The following PTPRA variants were observed in gnomAD, a reference collection of about 807,000 sequenced individuals.
PTPRA encodes the protein receptor-type tyrosine-protein phosphatase alpha.
A neutral mutation model predicts 104.8 loss-of-function variants in PTPRA; 25 were observed. That is an observed-to-expected ratio of 0.24 (90% CI 0.17 to 0.33). PTPRA has a LOEUF of 0.33. Among genes scored for constraint, PTPRA ranks in the 10% least tolerant of loss-of-function variants. The probability of loss-of-function intolerance (pLI) is 1.00; values close to 1 mark genes in which losing one functional copy is unlikely to be tolerated. For missense variants in PTPRA, 765 were observed against 1,015.3 expected, an observed-to-expected ratio of 0.75 and a Z score of 3.35; for synonymous variants, 323 against 368.9, an observed-to-expected ratio of 0.88 and a Z score of 1.43.
rs2061329897 is a variant in PTPRA, at chr20:2,950,846, T to C, written c.-7+2822T>C. Among the ~76,000 whole-genome samples the C allele has an allele frequency of 6.6e-6, 1 of 152,148 alleles. No individual in the cohort carries two copies. The highest frequency in any genetic ancestry group is 2.4e-5 in the African/African-American group (1 of 41,452). Reference sequence around the variant, plus strand: ...ACCTGTACACATTTAAAGTGTAAAATTTATTACATTTTGATCCATGTATAT... The same window carrying C: ...ACCTGTACACATTTAAAGTGTAAAACTTATTACATTTTGATCCATGTATAT... On this transcript the variant is annotated intron_variant, in intron 3 of 23. Transcript: ENST00000399903. This position sits in a 1 kb window ranked among gnomAD's most constrained non-coding sequence, Gnocchi z 4.0.
In PTPRA at chr20:2,996,694, A is replaced by G. The variant is rs180844387; in HGVS notation, c.738+8220A>G. 9.3e-4 allele frequency among the ~76,000 whole-genome samples: 141 copies of G among 152,346 alleles called. 1 individual carries two copies. Among genetic ancestry groups the G allele is most frequent in the African/African-American group, 3.3e-3 (136 of 41,588 alleles). ...CTGGCAATTTACAGAAGAAATACAGATGGTCTATAAAGATATGAAAAGAAG... is the reference window on the plus strand; with the variant it reads ...CTGGCAATTTACAGAAGAAATACAGGTGGTCTATAAAGATATGAAAAGAAG... On this transcript the variant is annotated intron_variant, in intron 9 of 23. Coordinates refer to ENST00000399903, the MANE Select transcript of PTPRA (RefSeq NM_001385305.1).
At position 3,037,683 on chromosome 20, in the gene PTPRA, G is replaced by T. The variant is rs1417956968; in HGVS notation, c.2335-376G>T. ...AATCCCATGGAGCTAGAAATGTTTG[G>T]GGGGTAAAGAAAAGTGAATGTTAGG... On this transcript the variant is annotated intron_variant, in intron 23 of 23. Transcript: ENST00000399903. The surrounding 1 kb of genome is among the most constrained non-coding windows in gnomAD (Gnocchi z 4.3). 6.6e-6 allele frequency among the ~76,000 whole-genome samples: 1 copy of T among 152,232 alleles called. No homozygotes were observed. The highest frequency in any genetic ancestry group is 2.4e-5 in the African/African-American group (1 of 41,450).
the PTPRA span, chr20:2,866,104 C>A: frequency 1.1e-6 from 1 of 933,052 alleles, no homozygotes; most frequent in Admixed American, 2.0e-5. Context: ...CGGGTGTATA[C>A]ATATAGAATA....
intron 12 of PTPRA, 22 bp downstream of exon 12, chr20:3,015,907 T>A: frequency 6.5e-7 from 1 of 1,545,802 alleles, no homozygotes. Flanking sequence ...ACAACTTTTT[T>A]CTGTTAGATT....
intron 11 of PTPRA, among the ~76,000 whole-genome samples, chr20:3,008,581 A>G (rs1354760363): frequency 6.6e-6 from 1 of 152,022 alleles, no homozygotes. Flanking sequence ...ACTTAATGCT[A>G]CAGAACTGTA....
At chr20:2,908,755 AAAT>A (rs1388016620) in intron 1 of PTPRA, among the ~76,000 whole-genome samples, 1 of 152,200 alleles carries the variant, frequency 6.6e-6, no homozygotes, top group Non-Finnish European at 1.5e-5. Flanking sequence ...AAATTAAAAA[AAAT>A]GAAAAACATG....
intron 14 of PTPRA, 134 bp downstream of exon 14, chr20:3,021,562 G>GTT (rs2064871313): frequency 7.8e-6 from 10 of 1,282,032 alleles, no homozygotes; most frequent in South Asian, 1.5e-5. Context: ...CAGATATCCG[G>GTT]GCTCAGGGGA....
chr20:2,987,566 C>T (rs2062960090), intron 7 of PTPRA, among the ~76,000 whole-genome samples: 1 of 152,178 alleles, frequency 6.6e-6, no homozygotes, highest in East Asian at 1.9e-4. Context: ...CATGTGCCCC[C>T]TATAATTTGT....
intron 2 of PTPRA, among the ~76,000 whole-genome samples, chr20:2,939,006 A>T (rs557638036): frequency 2.6e-5 from 4 of 152,258 alleles, no homozygotes; most frequent in African/African-American, 9.6e-5. Context: ...GTTCCTGTTT[A>T]AATTTTTATA....
chr20:2,959,400 G>T (rs1023065126), intron 3 of PTPRA, among the ~76,000 whole-genome samples: 1 of 152,170 alleles, frequency 6.6e-6, no homozygotes, highest in Non-Finnish European at 1.5e-5. Flanking sequence ...AGTGGGGACA[G>T]TCAACACTTC....
At chr20:2,913,990 G>T (rs1345739267) in intron 1 of PTPRA, among the ~76,000 whole-genome samples, 1 of 152,016 alleles carries the variant, frequency 6.6e-6, no homozygotes, top group East Asian at 1.9e-4. Flanking sequence ...TTCATTGAAA[G>T]GAAAAACTGT....
chr20:3,003,506 G>C (rs1413644216), intron 9 of PTPRA, among the ~76,000 whole-genome samples: 1 of 151,972 alleles, frequency 6.6e-6, no homozygotes, highest in African/African-American at 2.4e-5. Flanking sequence ...CACTTACTCG[G>C]AATTAGTGTT....
At position 2,906,498 on chromosome 20, in the gene PTPRA, T is replaced by C. The variant is rs149798133; in HGVS notation, c.-128-16709T>C. Among the ~76,000 whole-genome samples, 8 of 152,268 alleles carry C rather than the reference T, an allele frequency of 5.3e-5. No homozygotes were observed. In the East Asian group the frequency reaches 1.3e-3, roughly 26 times the overall value. ...CAAGGGTAATACGTACGTTCTGATATAACAAGAGAGAAAACAAATTTTGAG... is the reference window on the plus strand; with the variant it reads ...CAAGGGTAATACGTACGTTCTGATACAACAAGAGAGAAAACAAATTTTGAG... On this transcript the variant is annotated intron_variant, in intron 1 of 23. Transcript: ENST00000399903.
chr20:2,945,575 A>T (rs866143523), intron 2 of PTPRA, among the ~76,000 whole-genome samples: 2 of 122,900 alleles, frequency 1.6e-5, no homozygotes, highest in Non-Finnish European at 3.2e-5. Flanking sequence ...CTTGATTATA[A>T]TTGGCAGGTG....
intron 2 of PTPRA, among the ~76,000 whole-genome samples, chr20:2,938,384 C>T (rs931765623): frequency 6.6e-6 from 1 of 152,096 alleles, no homozygotes; most frequent in Non-Finnish European, 1.5e-5. Flanking sequence ...TGGGGTTTCA[C>T]CATGTTGGCC....
chr20:2,915,475 T>A (rs868828005), intron 1 of PTPRA, among the ~76,000 whole-genome samples: 9 of 89,122 alleles, frequency 1.0e-4, no homozygotes, highest in Middle Eastern at 0.01. Flanking sequence ...TCTTTTTTTG[T>A]TACTGAATTG....
chr20:2,980,918 A>G (rs1009402805), intron 6 of PTPRA, among the ~76,000 whole-genome samples: 1 of 152,116 alleles, frequency 6.6e-6, no homozygotes, highest in Non-Finnish European at 1.5e-5. Context: ...GTCCTAAACC[A>G]GGAAGGGGTT....
chr20:2,926,599 G>A (rs2060303520), intron 2 of PTPRA, among the ~76,000 whole-genome samples: 1 of 151,928 alleles, frequency 6.6e-6, no homozygotes, highest in African/African-American at 2.4e-5. Flanking sequence ...ACATCTTTTA[G>A]GGGACACAAT....
At chr20:3,024,247 C>T (rs2065027506) in intron 16 of PTPRA, among the ~76,000 whole-genome samples, 1 of 152,166 alleles carries the variant, frequency 6.6e-6, no homozygotes, top group Non-Finnish European at 1.5e-5. Flanking sequence ...GCGTCCACCA[C>T]CCCCAAGATA....
Sources: gnomAD v4.1 joint callset for allele counts (sites outside exome capture counted in the v4.1 genomes callset) on GRCh38, gnomAD v4.1.1 for gene constraint, Gnocchi (gnomAD v3.1) non-coding constraint, MANE v1.5 for transcripts, NCBI Gene and HGNC (gene_info 2026-07-23, HGNC 2026-07-21) for gene names.